Variants in C8orf34 observed in about 807,000 individuals in gnomAD.
C8orf34 encodes chromosome 8 open reading frame 34.
C8orf34 carries 65 observed loss-of-function variants against 68.3 expected under a neutral mutation model. The ratio of observed to expected loss-of-function variants is 0.95; its 90% CI spans 0.78 to 1.17. The LOEUF (loss-of-function observed/expected upper bound fraction) is 1.17. Among genes scored for constraint, C8orf34 ranks in the 50% most tolerant of loss-of-function variants. The probability of loss-of-function intolerance (pLI) is 0.00; values close to 1 mark genes in which losing one functional copy is unlikely to be tolerated. For missense variants in C8orf34, 664 were observed against 655.4 expected (o/e 1.01, Z -0.14); for synonymous variants, 244 against 241.2 (o/e 1.01, Z -0.11).
intron 7 of C8orf34, among the ~76,000 whole-genome samples, chr8:68,577,149 A>G (rs544728899): frequency 3.9e-4 from 60 of 152,130 alleles, no homozygotes; most frequent in African/African-American, 1.1e-3. Context: ...AACCTAGTCA[A>G]TGAGGTTTCT....
At chr8:68,435,514 G>C (rs1318625283) in intron 1 of C8orf34, among the ~76,000 whole-genome samples, 1 of 152,150 alleles carries the variant, frequency 6.6e-6, no homozygotes, top group Non-Finnish European at 1.5e-5. Context: ...CAATTCTTCG[G>C]TGTCTTTGTG....
At chr8:68,670,746 A>G (rs1340289333) in intron 8 of C8orf34, among the ~76,000 whole-genome samples, 1 of 152,190 alleles carries the variant, frequency 6.6e-6, no homozygotes, top group Non-Finnish European at 1.5e-5. Flanking sequence ...GCAGGACTCC[A>G]ATATACATAT....
intron 1 of C8orf34, among the ~76,000 whole-genome samples, chr8:68,387,225 G>A: frequency 6.6e-6 from 1 of 152,126 alleles, no homozygotes; most frequent in East Asian, 1.9e-4. Context: ...TGTTAGGCAA[G>A]TGAGTATCAC....
chr8:68,457,205 A>G (rs1433453482), intron 3 of C8orf34, among the ~76,000 whole-genome samples: 1 of 152,190 alleles, frequency 6.6e-6, no homozygotes, highest in African/African-American at 2.4e-5. Flanking sequence ...CTGCATATTT[A>G]TAGACTGTCA....
intron 7 of C8orf34, among the ~76,000 whole-genome samples, chr8:68,636,361 G>T (rs549689040): frequency 1.5e-4 from 23 of 151,954 alleles, no homozygotes; most frequent in African/African-American, 4.6e-4. Context: ...AGATCACAAG[G>T]TCAGGAGATC....
At chr8:68,702,131 T>C (rs1449670345) in intron 8 of C8orf34, among the ~76,000 whole-genome samples, 1 of 152,094 alleles carries the variant, frequency 6.6e-6, no homozygotes, top group Non-Finnish European at 1.5e-5. Flanking sequence ...CGGCATAATG[T>C]AATCTCCATG....
chr8:68,549,762 T>C (rs1410335677), intron 7 of C8orf34, among the ~76,000 whole-genome samples: 1 of 151,710 alleles, frequency 6.6e-6, no homozygotes, highest in Non-Finnish European at 1.5e-5. Flanking sequence ...GTTCTCATCT[T>C]GTGTATTTTG....
At chr8:68,643,954 A>G (rs1167857128) in intron 8 of C8orf34, among the ~76,000 whole-genome samples, 1 of 152,144 alleles carries the variant, frequency 6.6e-6, no homozygotes, top group Non-Finnish European at 1.5e-5. Context: ...GCTCCAGTGC[A>G]CTTTGGTCTG....
At chr8:68,583,209 A>G (rs570157998) in intron 7 of C8orf34, among the ~76,000 whole-genome samples, 1 of 152,222 alleles carries the variant, frequency 6.6e-6, no homozygotes, top group South Asian at 2.1e-4. Context: ...CCATATTCTT[A>G]TCTCCTACAG....
intron 2 of C8orf34, among the ~76,000 whole-genome samples, chr8:68,441,358 C>T (rs1362553141): frequency 6.6e-6 from 1 of 152,114 alleles, no homozygotes; most frequent in Non-Finnish European, 1.5e-5. Context: ...CCAGGAGCTA[C>T]TCTCATCTCC....
intron 10 of C8orf34, among the ~76,000 whole-genome samples, chr8:68,745,252 A>C (rs1192806424): frequency 6.6e-6 from 1 of 152,184 alleles, no homozygotes; most frequent in Non-Finnish European, 1.5e-5. Flanking sequence ...CATGGAAAGG[A>C]ACAACTGGTG....
chr8:68,336,940 G>A (rs1236305683), intron 1 of C8orf34, among the ~76,000 whole-genome samples: 1 of 152,106 alleles, frequency 6.6e-6, no homozygotes, highest in African/African-American at 2.4e-5. Flanking sequence ...GAATAAAATA[G>A]GAATATTTTA....
intron 8 of C8orf34, among the ~76,000 whole-genome samples, chr8:68,673,430 C>G (rs1200701161): frequency 2.6e-5 from 4 of 152,078 alleles, no homozygotes; most frequent in Non-Finnish European, 4.4e-5. Context: ...GGGTCCAGCC[C>G]TGACACCATT....
intron 11 of C8orf34, among the ~76,000 whole-genome samples, chr8:68,776,790 C>T (rs531564630): frequency 2.6e-4 from 39 of 152,224 alleles, no homozygotes; most frequent in African/African-American, 8.4e-4. Flanking sequence ...AAGACACAAC[C>T]GCTCTTCCTA....
At chr8:68,614,477 G>A (rs1818131183) in intron 7 of C8orf34, among the ~76,000 whole-genome samples, 1 of 152,136 alleles carries the variant, frequency 6.6e-6, no homozygotes, top group Admixed American at 6.5e-5. Flanking sequence ...TAAGGTATAA[G>A]GAAGGGATCC....
intron 7 of C8orf34, among the ~76,000 whole-genome samples, chr8:68,571,639 C>T (rs1440504230): frequency 1.3e-5 from 2 of 152,038 alleles, no homozygotes; most frequent in African/African-American, 2.4e-5. Context: ...GGTGTGCAAG[C>T]TTATATATTA....
At chr8:68,532,094 G>A (rs1815271199) in intron 6 of C8orf34, among the ~76,000 whole-genome samples, 1 of 152,090 alleles carries the variant, frequency 6.6e-6, no homozygotes, top group Admixed American at 6.5e-5. Context: ...CTCCACTAAA[G>A]ATGCTAGGAG....
In C8orf34 at chr8:68,696,912, T is replaced by A. The variant is rs536964349; in HGVS notation, c.1242-12082T>A. Among the ~76,000 whole-genome samples the A allele has an allele frequency of 4.6e-5, 7 of 152,064 alleles. No homozygotes were observed. In the South Asian group the frequency reaches 1.4e-3, roughly 31 times the overall value. On this transcript the variant is annotated intron_variant, in intron 8 of 13. Transcript: ENST00000518698. ...AATCTCTTTTCCCCTCTAATTTTGA[T>A]TTTCCTAGTATTAATATTAACTATG... is the stretch of plus-strand genomic sequence containing the variant.
At chr8:68,621,163 C>T (rs1481279956) in intron 7 of C8orf34, among the ~76,000 whole-genome samples, 2 of 152,152 alleles carry the variant, frequency 1.3e-5, no homozygotes, top group Non-Finnish European at 2.9e-5. Context: ...TTTATCTAAG[C>T]CATGGCTGGA....
Sources: allele counts gnomAD v4.1 joint callset (sites outside exome capture counted in the v4.1 genomes callset), GRCh38; gene constraint gnomAD v4.1.1; transcripts MANE v1.5; gene names NCBI Gene and HGNC (gene_info 2026-07-23, HGNC 2026-07-21).